The following CCNE1 variants were observed in gnomAD, a reference collection of about 807,000 sequenced individuals.
CCNE1 encodes cyclin E1.
In CCNE1, 8 loss-of-function variants were observed where a neutral mutation model predicts 54.1. The ratio of observed to expected loss-of-function variants is 0.15; its 90% CI spans 0.09 to 0.27. The LOEUF is 0.27. Ranked by LOEUF, CCNE1 falls within the 10% of genes least tolerant of loss-of-function variation. CCNE1 has a pLI of 1.00. For synonymous variants in CCNE1, 179 were observed against 185.2 expected, an observed-to-expected ratio of 0.97 and a Z score of 0.27; for missense variants, 430 against 514.9, an observed-to-expected ratio of 0.84 and a Z score of 1.60.
chr19:29,823,558 A>G, intron 11 of CCNE1, 97 bp from the exon 12 acceptor site: 1 of 1,178,400 alleles, frequency 8.5e-7, no homozygotes, highest in Non-Finnish European at 1.1e-6. Flanking sequence ...TGAGAAAAAA[A>G]AAAAATTTAA....
rs781162822 is a variant in CCNE1 at position 29,820,725 on chromosome 19, C to A, written c.486C>A (p.His162Gln). ...LMEVCEVYKL[H>Q]RETFYLAQDF... Reference sequence around the variant, plus strand: ...AGGTGTGTGAAGTCTATAAACTTCACAGGGAGACCTTTTACTTGGCACAAG... The same window carrying A: ...AGGTGTGTGAAGTCTATAAACTTCAAAGGGAGACCTTTTACTTGGCACAAG... The change falls in exon 7 of 12, where the codon CAC becomes CAA. Residue 162 changes from histidine to glutamine, a missense_variant. Transcript: ENST00000262643. The A allele has an allele frequency of 1.2e-6, 2 of 1,611,606 alleles. No homozygotes were observed. The highest frequency in any genetic ancestry group is 2.2e-5 in the South Asian group (2 of 90,754).
At position 29,817,544 on chromosome 19, in the gene CCNE1, G is replaced by A; in HGVS notation, c.462+3G>A. The A allele has an allele frequency of 6.2e-7, 1 of 1,614,174 alleles. No homozygotes were observed. Among genetic ancestry groups the A allele is most frequent in the Non-Finnish European group, 8.5e-7 (1 of 1,180,028 alleles). On this transcript the variant is annotated splice_donor_region_variant and intron_variant, in intron 6 of 11. Coordinates refer to ENST00000262643, the MANE Select transcript of CCNE1 (RefSeq NM_001238.4). ...TTCTTCTGGATTGGTTAATGGAGGT[G>A]AGCTTGAGTCTTCCTGTTCGCTTCA...
rs541137362 is a variant in CCNE1, at chr19:29,813,768, G to A, written c.180+731G>A. ...TGTGATAATCATTATAATATCAGAA[G>A]TTTCTTGCAGAAAAAGCTTGTACTA... is the stretch of plus-strand genomic sequence containing the variant. On this transcript the variant is annotated intron_variant, in intron 4 of 11. Transcript: ENST00000262643. 7.2e-5 allele frequency among the ~76,000 whole-genome samples: 11 copies of A among 152,272 alleles called. No individual in the cohort carries two copies. In the East Asian group the frequency reaches 2.1e-3, roughly 29 times the overall value.
intron 7 of CCNE1, 31 bp downstream of exon 7, chr19:29,820,879 T>C (rs1388820232): frequency 2.6e-6 from 4 of 1,521,942 alleles, no homozygotes; most frequent in East Asian, 2.3e-5. Flanking sequence ...TGTTCTATAA[T>C]GTGTGTTATT....
Position 29,823,707 on chromosome 19 carries a change from C to T in CCNE1, c.1163C>T (p.Pro388Leu), listed in dbSNP as rs1974208894. 2 of 1,614,122 alleles carry T rather than the reference C, an allele frequency of 1.2e-6. No homozygotes were observed. The highest frequency in any genetic ancestry group is 1.7e-6 in the Non-Finnish European group (2 of 1,179,970). The change falls in exon 12 of 12, where the codon CCT becomes CTT. Residue 388 changes from proline to leucine, a missense_variant. Pro to Leu is a moderately conservative substitution (Grantham distance 98). Coordinates refer to ENST00000262643, the MANE Select transcript of CCNE1 (RefSeq NM_001238.4). ...AMLSEQNRASPLPSGLLTPPQ... is the reference protein window; with the variant it reads ...AMLSEQNRASLLPSGLLTPPQ... Reference sequence around the variant, plus strand: ...TTGTCTGAACAAAATAGGGCTTCTCCTCTCCCCAGTGGGCTCCTCACCCCG... The same window carrying T: ...TTGTCTGAACAAAATAGGGCTTCTCTTCTCCCCAGTGGGCTCCTCACCCCG...
At position 29,822,557 on chromosome 19, in the gene CCNE1, A is replaced by C. The variant is rs1974176741; in HGVS notation, c.1064A>C (p.Glu355Ala). 5 of 1,613,958 alleles carry C rather than the reference A, an allele frequency of 3.1e-6. No individual in the cohort carries two copies. The highest frequency in any genetic ancestry group is 4.2e-6 in the Non-Finnish European group (5 of 1,180,018). ...AAGCACTTCAGGGGCGTCGCTGATG[A>C]AGATGCACACAACATACAGACCCAC... is the stretch of plus-strand genomic sequence containing the variant. ...KLKHFRGVAD[E>A]DAHNIQTHRD... The change falls in exon 11 of 12, where the codon GAA becomes GCA. Residue 355 changes from glutamate (E) to alanine (A), a missense_variant. Physicochemically the swap from Glu to Ala is moderately radical, Grantham distance 107 (BLOSUM62 -1). This residue lies in a region of CCNE1 where 303 missense variants were observed against 401.1 expected (regional missense o/e 0.76). Transcript: ENST00000262643.
chr19:29,812,434 A>G (rs2145714167), intron 1 of CCNE1, 98 bp from the exon 2 acceptor site: 2 of 844,964 alleles, frequency 2.4e-6, no homozygotes, highest in East Asian at 3.8e-5. Context: ...GCCATCGGCC[A>G]TCTTCCTGGC....
chr19:29,820,979 T>A, intron 7 of CCNE1, 131 bp downstream of exon 7: 1 of 664,950 alleles, frequency 1.5e-6, no homozygotes. Flanking sequence ...CCTGTAAAGT[T>A]AAGACACATG....
chr19:29,822,326 A>G lies in CCNE1; in HGVS notation c.927A>G (p.Ser309=), dbSNP rs1294819273. ...CTTCGGCCTTGTATCATTTCTCGTC[A>G]TCTGAATTGATGCAAAAGGTTTCAG... ...LAASALYHFS[S]SELMQKVSGY... The change falls in exon 10 of 12, where the codon TCA becomes TCG. Residue 309 remains serine, a synonymous_variant. Transcript: ENST00000262643. 8.7e-6 allele frequency: 14 copies of G among 1,614,070 alleles called. No individual in the cohort carries two copies. The highest frequency in any genetic ancestry group is 1.1e-5 in the Non-Finnish European group (13 of 1,179,998).
chr19:29,821,175 G>T (rs1402462275), intron 7 of CCNE1, among the ~76,000 whole-genome samples: 1 of 152,136 alleles, frequency 6.6e-6, no homozygotes, highest in Admixed American at 6.6e-5. Flanking sequence ...AAGGCAGCTG[G>T]GTCACTTGAG....
chr19:29,820,878 A>G (rs1568370449), intron 7 of CCNE1, 30 bp downstream of exon 7: 1 of 1,520,168 alleles, frequency 6.6e-7, no homozygotes, highest in Non-Finnish European at 9.1e-7. Context: ...TTGTTCTATA[A>G]TGTGTGTTAT....
intron 6 of CCNE1, among the ~76,000 whole-genome samples, chr19:29,820,235 G>T (rs539095871): frequency 6.6e-6 from 1 of 152,204 alleles, no homozygotes; most frequent in Non-Finnish European, 1.5e-5. Flanking sequence ...GGACAGGCCA[G>T]AAGGGCCCCT....
Position 29,817,138 on chromosome 19 carries a change from C to T in CCNE1, c.182C>T (p.Pro61Leu). The T allele has an allele frequency of 1.2e-6, 2 of 1,613,898 alleles. No individual in the cohort carries two copies. Among genetic ancestry groups the T allele is most frequent in the African/African-American group, 1.3e-5 (1 of 74,984 alleles). The change falls in exon 5 of 12, where the codon CCT becomes CTT. Residue 61 changes from proline (P) to leucine (L), a missense_variant and splice_region_variant. Coordinates refer to ENST00000262643, the MANE Select transcript of CCNE1 (RefSeq NM_001238.4). The stretch of plus-strand genomic sequence containing the variant: ...CTCCTGTGTATTTTTCATTTACAGC[C>T]TTGGGACAATAATGCAGTCTGTGCA... ...RTARDQCGSQ[P>L]WDNNAVCADP...
chr19:29,819,210 C>T (rs1283164747), intron 6 of CCNE1, among the ~76,000 whole-genome samples: 3 of 152,048 alleles, frequency 2.0e-5, no homozygotes, highest in African/African-American at 7.2e-5. Flanking sequence ...CGCCACTGCA[C>T]TCCAGCCTAG....
At chr19:29,815,268 C>G (rs1973985495) in intron 4 of CCNE1, among the ~76,000 whole-genome samples, 2 of 152,216 alleles carry the variant, frequency 1.3e-5, no homozygotes, top group South Asian at 4.1e-4. Flanking sequence ...TTCATTCTTC[C>G]TGAATGAAGA....
In CCNE1 at chr19:29,819,243, AT is replaced by A. The variant is rs199962266; in HGVS notation, c.463-1449del. Among the ~76,000 whole-genome samples the A allele has an allele frequency of 3.7e-3, 561 of 149,630 alleles. 6 individuals are homozygous for A. The highest frequency in any genetic ancestry group is 0.012 in the African/African-American group (477 of 40,798). On this transcript the variant is annotated intron_variant, in intron 6 of 11. Coordinates refer to ENST00000262643, the MANE Select transcript of CCNE1 (RefSeq NM_001238.4). ...TAGGTGACCATGAGACTCTGTCTCA[AT>A]TTTTTTTTTAAGCATATTTTTAAAG...
chr19:29,812,930 G>T, intron 3 of CCNE1, 39 bp from the exon 4 acceptor site: 1 of 1,611,996 alleles, frequency 6.2e-7, no homozygotes, highest in Non-Finnish European at 8.5e-7. Context: ...GTCTTGTTTG[G>T]TGTGTTTCCT....
rs1043317884 is a variant in CCNE1 at position 29,817,402 on chromosome 19, G to A, written c.327-4G>A. 5.0e-6 allele frequency: 8 copies of A among 1,614,008 alleles called. 1 individual carries two copies. Among genetic ancestry groups the A allele is most frequent in the Admixed American group, 1.7e-5 (1 of 59,992 alleles). Reference sequence around the variant, plus strand: ...CCTCATTTTTGTTGTGTGTTTTGTTGTAGCTGGGCAAATAGAGAGGAAGTC... The same window carrying A: ...CCTCATTTTTGTTGTGTGTTTTGTTATAGCTGGGCAAATAGAGAGGAAGTC... On this transcript the variant is annotated splice_region_variant and splice_polypyrimidine_tract_variant and intron_variant, in intron 5 of 11. Coordinates refer to ENST00000262643, the MANE Select transcript of CCNE1 (RefSeq NM_001238.4).
At chr19:29,823,018 A>G (rs953982478) in intron 11 of CCNE1, among the ~76,000 whole-genome samples, 1 of 152,084 alleles carries the variant, frequency 6.6e-6, no homozygotes, top group African/African-American at 2.4e-5. Flanking sequence ...AAAAACTCCA[A>G]TTTTAATTAA....
Sources: allele counts gnomAD v4.1 joint callset (sites outside exome capture counted in the v4.1 genomes callset), GRCh38; gene constraint gnomAD v4.1.1; regional missense constraint gnomAD v4.1.1; transcripts MANE v1.5; gene names NCBI Gene and HGNC (gene_info 2026-07-23, HGNC 2026-07-21).